The following LRRN4 variants were observed in gnomAD, a reference collection of about 807,000 sequenced individuals.
LRRN4 encodes leucine-rich repeat neuronal protein 4.
A neutral mutation model predicts 22.3 loss-of-function variants in LRRN4; 26 were observed. The ratio of observed to expected loss-of-function variants is 1.16; its 90% confidence interval spans 0.85 to 1.62. LRRN4 has a LOEUF of 1.62. LRRN4 is among the 40% of genes most tolerant of loss of function. The pLI is 0.00. For synonymous variants in LRRN4, 496 were observed against 486.2 expected, an observed-to-expected ratio of 1.02 and a Z score of -0.26; for missense variants, 1,070 against 1,008.5, an observed-to-expected ratio of 1.06 and a Z score of -0.83.
At position 6,052,631 on chromosome 20, in the gene LRRN4, T is replaced by C; in HGVS notation, c.169A>G (p.Thr57Ala). Residue 57 changes from threonine to alanine, a missense_variant, in exon 2 of 5, where the codon ACG becomes GCG. Physicochemically the swap from Thr to Ala is moderately conservative, Grantham distance 58. Transcript: ENST00000378858. ...PCEGLPAADA[T>A]ALTLANRNLE... ...TTGCGGTTCGCCAGGGTCAAGGCCG[T>C]CGCATCCGCGGCGGGCAGCCCCTCG... 1 of 1,587,860 alleles carries C rather than the reference T, an allele frequency of 6.3e-7. No individual in the cohort carries two copies. The highest frequency in any genetic ancestry group is 8.5e-7 in the Non-Finnish European group (1 of 1,174,514).
chr20:6,052,821 AG>A lies in LRRN4; in HGVS notation c.-5-18del. ...GCATGGCGTCTGGGGAGAGAACAGC[AG>A]GACGCCCATCAAATCCACAGGAACC... On this transcript the variant is annotated intron_variant, in intron 1 of 4. Transcript: ENST00000378858. 1 of 1,541,834 alleles carries A rather than the reference AG, an allele frequency of 6.5e-7. No individual in the cohort carries two copies. Among genetic ancestry groups the A allele is most frequent in the Non-Finnish European group, 8.7e-7 (1 of 1,149,632 alleles).
Position 6,050,881 on chromosome 20 carries a change from G to A in LRRN4, c.758C>T (p.Pro253Leu). The A allele has an allele frequency of 1.9e-6, 3 of 1,614,100 alleles. No homozygotes were observed. Among genetic ancestry groups the A allele is most frequent in the African/African-American group, 1.3e-5 (1 of 75,010 alleles). The change falls in exon 3 of 5, where the codon CCC becomes CTC. Residue 253 changes from proline (P) to leucine (L), a missense_variant. By Grantham distance (98) the Pro-to-Leu change is moderately conservative. Transcript: ENST00000378858. ...TLEGDIFKMTPNLQQLDCQDS... is the reference protein window; with the variant it reads ...TLEGDIFKMTLNLQQLDCQDS... ...CTGACAGTCCAGCTGCTGCAGGTTG[G>A]GGGTCATCTTGAAAATGTCCCCCTC...
chr20:6,041,779 G>C lies in LRRN4; in HGVS notation c.1466C>G (p.Ser489Trp), dbSNP rs199665734. 162 of 1,614,052 alleles carry C rather than the reference G, an allele frequency of 1.0e-4. No individual in the cohort carries two copies. In the East Asian group the frequency reaches 2.7e-3, roughly 26 times the overall value. The change falls in exon 5 of 5, where the codon TCG (serine) becomes TGG (tryptophan). Residue 489 changes from serine to tryptophan, a missense_variant. Transcript: ENST00000378858. The surrounding 1 kb of genome is among the most constrained non-coding windows in gnomAD (Gnocchi z 9.4). ...ASKLLGPFPT[S>W]WDRSISSPQP... ...AGGCGAGCTTATGCTGCGGTCCCAC[G>C]AGGTAGGGAAGGGGCCCAGGAGCTT...
intron 3 of LRRN4, among the ~76,000 whole-genome samples, chr20:6,046,447 C>T (rs1331109875): frequency 6.7e-6 from 1 of 148,798 alleles, no homozygotes; most frequent in Non-Finnish European, 1.5e-5. Context: ...CTGCTCCTGG[C>T]TCCCTTCTCT....
chr20:6,051,188 C>T (rs1981235910), intron 2 of LRRN4, among the ~76,000 whole-genome samples: 1 of 152,200 alleles, frequency 6.6e-6, no homozygotes, highest in Non-Finnish European at 1.5e-5. Context: ...TCCTTTCTTC[C>T]AATCTGAGTC....
In LRRN4 at chr20:6,041,929, C is replaced by A; in HGVS notation, c.1316G>T (p.Gly439Val). 6.2e-7 allele frequency: 1 copy of A among 1,614,152 alleles called. No individual in the cohort carries two copies. The highest frequency in any genetic ancestry group is 8.5e-7 in the Non-Finnish European group (1 of 1,180,008). The change falls in exon 5 of 5, where the codon GGT (glycine) becomes GTT (valine). Residue 439 changes from glycine to valine, a missense_variant. Transcript: ENST00000378858. The surrounding 1 kb of genome is among the most constrained non-coding windows in gnomAD (Gnocchi z 9.4). Reference protein sequence around the residue: ...TAPSTTNSVAGHSNSSVFPRA... With the variant: ...TAPSTTNSVAVHSNSSVFPRA... Reference sequence around the variant, plus strand: ...GGGGAAAACGCTGGAGTTGCTGTGACCTGCTACAGAGTTGGTCGTGGAGGG... The same window carrying A: ...GGGGAAAACGCTGGAGTTGCTGTGAACTGCTACAGAGTTGGTCGTGGAGGG...
intron 3 of LRRN4, among the ~76,000 whole-genome samples, chr20:6,047,451 CACACACACACACACACAG>C (rs1947431994): frequency 6.7e-6 from 1 of 150,062 alleles, no homozygotes; most frequent in African/African-American, 2.4e-5. Flanking sequence ...CACACACACA[CACACACACACACACACAG>C]AGACACACAC....
Position 6,042,206 on chromosome 20 carries a change from C to T in LRRN4, c.1039G>A (p.Gly347Ser), listed in dbSNP as rs897606775. The change falls in exon 5 of 5, where the codon GGC (glycine) becomes AGC (serine). Residue 347 changes from glycine to serine, a missense_variant. Physicochemically the swap from Gly to Ser is moderately conservative, Grantham distance 56. Coordinates refer to ENST00000378858, the MANE Select transcript of LRRN4 (RefSeq NM_152611.5). Reference protein sequence around the residue: ...TMCAPAAGSSGPFSASLSLSQ... With the variant: ...TMCAPAAGSSSPFSASLSLSQ... ...AGTGACAGGGAGGCTGAGAAGGGGC[C>T]GCTGGATCCCGCAGCTGGCGCGCAC... 1.2e-6 allele frequency: 2 copies of T among 1,613,602 alleles called. No individual in the cohort carries two copies. Among genetic ancestry groups the T allele is most frequent in the Non-Finnish European group, 1.7e-6 (2 of 1,179,868 alleles).
At position 6,042,091 on chromosome 20, in the gene LRRN4, T is replaced by G; in HGVS notation, c.1154A>C (p.Gln385Pro). The G allele has an allele frequency of 6.2e-7, 1 of 1,614,104 alleles. No individual in the cohort carries two copies. The highest frequency in any genetic ancestry group is 8.5e-7 in the Non-Finnish European group (1 of 1,179,980). Reference protein sequence around the residue: ...PPCFNRSTYAQGTTVAPSAAP... With the variant: ...PPCFNRSTYAPGTTVAPSAAP... ...TGCGCTGGGCGCGACGGTGGTACCC[T>G]GTGCGTAGGTGGAGCGGTTGAAGCA... Residue 385 changes from glutamine to proline, a missense_variant, in exon 5 of 5, where the codon CAG (glutamine) becomes CCG (proline). Coordinates refer to ENST00000378858, the MANE Select transcript of LRRN4 (RefSeq NM_152611.5).
rs1243732650 is a variant in LRRN4 at position 6,042,265 on chromosome 20, A to G, written c.999-19T>C. ...TGCTGCCCTGGAGGGGAGGCCAACC[A>G]GTTAGAAGACGTCTGGCTTCAGGGA... On this transcript the variant is annotated intron_variant, in intron 4 of 4. Transcript: ENST00000378858. 4 of 1,591,844 alleles carry G rather than the reference A, an allele frequency of 2.5e-6. No individual in the cohort carries two copies. Among genetic ancestry groups the G allele is most frequent in the Non-Finnish European group, 3.4e-6 (4 of 1,169,386 alleles).
rs146751435 is a variant in LRRN4, at chr20:6,047,723, G to A, written c.861-3043C>T. 2.0e-4 allele frequency among the ~76,000 whole-genome samples: 30 copies of A among 151,274 alleles called. No individual in the cohort carries two copies. The East Asian group carries it at 5.8e-3, about 29-fold the overall frequency. ...GGAGAGTCACTTGAACCTGGGAGGT[G>A]AAGATTGCAGTGAGCTGAGATAGAG... On this transcript the variant is annotated intron_variant, in intron 3 of 4. Transcript: ENST00000378858.
Position 6,041,351 on chromosome 20 carries a change from T to A in LRRN4, c.1894A>T (p.Thr632Ser), listed in dbSNP as rs1221469745. ...CCGTACAGAGGGTGCTGCCGGGCCG[T>A]GGCGTAGATGACCCCCACCACCGAC... ...NQSVVGVIYA[T>S]ARQHPLYGLS... The change falls in exon 5 of 5, where the codon ACG (threonine) becomes TCG (serine). Residue 632 changes from threonine (T) to serine (S), a missense_variant. Coordinates refer to ENST00000378858, the MANE Select transcript of LRRN4 (RefSeq NM_152611.5). The surrounding 1 kb of genome is among the most constrained non-coding windows in gnomAD (Gnocchi z 9.4). 3.8e-6 allele frequency: 6 copies of A among 1,596,860 alleles called. No individual in the cohort carries two copies. In the South Asian group the frequency reaches 6.7e-5, roughly 18 times the overall value.
rs772781821 is a variant in LRRN4, at chr20:6,041,589, G to T, written c.1656C>A (p.Cys552Ter). The T allele has an allele frequency of 3.1e-5, 49 of 1,567,266 alleles. No homozygotes were observed. Among genetic ancestry groups the T allele is most frequent in the Non-Finnish European group, 4.2e-5 (49 of 1,154,426 alleles). Residue 552 changes from cysteine (C) to a stop codon, truncating the protein, a stop_gained, in exon 5 of 5, where the codon TGC (cysteine) becomes TGA (stop). Transcript: ENST00000378858. LOFTEE classifies it low-confidence loss of function (END_TRUNC). This position sits in a 1 kb window ranked among gnomAD's most constrained non-coding sequence, Gnocchi z 9.4. ...CCGCGCACGGGGTCTGCAGGTGCTTGCAGGGATGGTAATCACAGGGGACGT... is the reference window on the plus strand; with the variant it reads ...CCGCGCACGGGGTCTGCAGGTGCTTTCAGGGATGGTAATCACAGGGGACGT... Reference protein sequence around the residue: ...HQDVPCDYHPCKHLQTPCAEL... With the variant: ...HQDVPCDYHP
At chr20:6,050,657 C>A (rs1196997197) in intron 3 of LRRN4, 122 bp downstream of exon 3, 7 of 999,178 alleles carry the variant, frequency 7.0e-6, no homozygotes, top group Non-Finnish European at 1.1e-5. Context: ...AAACAAAGCC[C>A]CAGAGAGGAT....
In LRRN4 at chr20:6,052,529, T is replaced by C; in HGVS notation, c.271A>G (p.Ser91Gly). 1 of 1,587,740 alleles carries C rather than the reference T, an allele frequency of 6.3e-7. No individual in the cohort carries two copies. Among genetic ancestry groups the C allele is most frequent in the Admixed American group, 1.7e-5 (1 of 58,038 alleles). ...TCCAGGTGGCCGAGCTCGGAAGTGCTCAGGGCGCGCAGCAGGTTGTGGCTG... is the reference window on the plus strand; with the variant it reads ...TCCAGGTGGCCGAGCTCGGAAGTGCCCAGGGCGCGCAGCAGGTTGTGGCTG... ...DASHNLLRAL[S>G]TSELGHLEQL... Residue 91 changes from serine (S) to glycine (G), a missense_variant, in exon 2 of 5, where the codon AGC (serine) becomes GGC (glycine). By Grantham distance (56) the Ser-to-Gly change is moderately conservative. Coordinates refer to ENST00000378858, the MANE Select transcript of LRRN4 (RefSeq NM_152611.5).
chr20:6,041,228 C>G lies in LRRN4; in HGVS notation c.2017G>C (p.Ala673Pro). Reference protein sequence around the residue: ...RSSGWRSPCAAFTTKPSFALL... With the variant: ...RSSGWRSPCAPFTTKPSFALL... ...GCGAAGCTGGGCTTGGTGGTGAAGG[C>G]GGCGCACGGGCTCCTCCAGCCCGAA... The change falls in exon 5 of 5, where the codon GCC becomes CCC. Residue 673 changes from alanine (A) to proline (P), a missense_variant. Coordinates refer to ENST00000378858, the MANE Select transcript of LRRN4 (RefSeq NM_152611.5). This position sits in a 1 kb window ranked among gnomAD's most constrained non-coding sequence, Gnocchi z 9.4. 1 of 1,580,788 alleles carries G rather than the reference C, an allele frequency of 6.3e-7. No individual in the cohort carries two copies. The highest frequency in any genetic ancestry group is 8.6e-7 in the Non-Finnish European group (1 of 1,162,642).
Position 6,052,482 on chromosome 20 carries a change from C to T in LRRN4, c.318G>A (p.Leu106=). Residue 106 remains leucine (L), a synonymous_variant, in exon 2 of 5, where the codon CTG becomes CTA. Transcript: ENST00000378858. The part of the protein sequence containing the change: ...GHLEQLQVLT[L]RHNRIAALRW... Reference sequence around the variant, plus strand: ...GCAGCGCGGCGATGCGGTTGTGGCGCAGGGTCAGCACCTGCAGCTGCTCCA... The same window carrying T: ...GCAGCGCGGCGATGCGGTTGTGGCGTAGGGTCAGCACCTGCAGCTGCTCCA... 6.4e-7 allele frequency: 1 copy of T among 1,572,328 alleles called. No individual in the cohort carries two copies. Among genetic ancestry groups the T allele is most frequent in the Non-Finnish European group, 8.6e-7 (1 of 1,168,020 alleles).
rs758000729 is a variant in LRRN4, at chr20:6,044,698, AAATT to A, written c.861-22_861-19del. ...AGTTGCAGCTGAAATACAAACAAAA[AAATT>A]AATTAAGTCAGGTTTTTACAATTGT... On this transcript the variant is annotated intron_variant, in intron 3 of 4. Coordinates refer to ENST00000378858, the MANE Select transcript of LRRN4 (RefSeq NM_152611.5). 2 of 1,498,770 alleles carry A rather than the reference AAATT, an allele frequency of 1.3e-6. No homozygotes were observed. The highest frequency in any genetic ancestry group is 1.8e-6 in the Non-Finnish European group (2 of 1,121,368). The allele number at this position is 1,498,770 out of a possible 1,614,324, so 92.8% of individuals were successfully genotyped here. A position where few individuals can be genotyped will look rare whatever the true frequency, so the allele number is the denominator to read the frequency against.
chr20:6,041,638 T>TC lies in LRRN4; in HGVS notation c.1606dup (p.Glu536GlyfsTer13). 2 of 1,602,622 alleles carry TC rather than the reference T, an allele frequency of 1.2e-6. No homozygotes were observed. On this transcript the variant is annotated frameshift_variant, in exon 5 of 5. Transcript: ENST00000378858. LOFTEE classifies it low-confidence loss of function (END_TRUNC). The surrounding 1 kb of genome is among the most constrained non-coding windows in gnomAD (Gnocchi z 9.4). ...GTCCTGGTGAGGCGTTCCCACCTCC[T>TC]CCTTCCTCCCTTCCTCCTCCTCACT...
Sources: allele counts gnomAD v4.1 joint callset (sites outside exome capture counted in the v4.1 genomes callset), GRCh38; gene constraint gnomAD v4.1.1; non-coding constraint Gnocchi (gnomAD v3.1); transcripts MANE v1.5; gene names NCBI Gene and HGNC (gene_info 2026-07-23, HGNC 2026-07-21).